Variants in PKNOX2 observed in about 807,000 individuals in gnomAD.
PKNOX2 encodes the protein PBX/knotted 1 homeobox 2.
Under a neutral mutation model 53.1 loss-of-function variants are expected in PKNOX2, and 14 were observed. The observed-to-expected ratio is 0.26, with a 90% CI of 0.17 to 0.41. PKNOX2 has a LOEUF of 0.41. PKNOX2 is among the 10% of genes least tolerant of loss of function. PKNOX2 has a pLI of 1.00. For synonymous variants in PKNOX2, 257 were observed against 242.8 expected (o/e 1.06, Z -0.54); for missense variants, 496 against 602.8 (o/e 0.82, Z 1.85).
chr11:125,248,993 A>G (rs947700141), intron 2 of PKNOX2, among the ~76,000 whole-genome samples: 1 of 142,878 alleles, frequency 7.0e-6, no homozygotes, highest in Admixed American at 7.1e-5. Context: ...ATGTATATAT[A>G]ACATACATAA....
Position 125,347,232 on chromosome 11 carries a change from A to G in PKNOX2, c.-22-4052A>G, listed in dbSNP as rs148392218. The stretch of plus-strand genomic sequence containing the variant: ...GGCCCTACTTTCCCTATCCCCCATC[A>G]ATTTGTCTCAGCTAGGGTCAGGGGC... On this transcript the variant is annotated intron_variant, in intron 3 of 12. Transcript: ENST00000298282. 3.2e-3 allele frequency among the ~76,000 whole-genome samples: 493 copies of G among 152,060 alleles called. 6 individuals carry two copies. The highest frequency in any genetic ancestry group is 0.011 in the African/African-American group (473 of 41,466).
At chr11:125,277,577 C>T (rs1946259565) in intron 2 of PKNOX2, 1 of 152,060 alleles carries the variant, frequency 6.6e-6, no homozygotes, top group African/African-American at 2.4e-5. Context: ...GCAAACAGAC[C>T]AAAACGGGTG....
At chr11:125,222,737 G>A (rs12797817) in intron 1 of PKNOX2, among the ~76,000 whole-genome samples, 1 of 149,620 alleles carries the variant, frequency 6.7e-6, no homozygotes, top group Admixed American at 6.7e-5. Context: ...ATGTGTGTGT[G>A]TCTGTGTCTG....
At chr11:125,411,971 C>T (rs1021275700) in intron 10 of PKNOX2, 106 bp downstream of exon 10, 67 of 1,538,604 alleles carry the variant, frequency 4.4e-5, no homozygotes, top group South Asian at 1.5e-4. Flanking sequence ...AGACAGAGGG[C>T]GCGGCCTCGG....
intron 2 of PKNOX2, among the ~76,000 whole-genome samples, chr11:125,288,664 G>A (rs546311855): frequency 6.6e-5 from 10 of 152,194 alleles, no homozygotes; most frequent in African/African-American, 1.4e-4. Flanking sequence ...CACGTCTCCC[G>A]TAGGAAGCAC....
intron 1 of PKNOX2, among the ~76,000 whole-genome samples, chr11:125,193,459 G>A (rs889940136): frequency 2.6e-5 from 4 of 152,160 alleles, no homozygotes; most frequent in Non-Finnish European, 5.9e-5. Context: ...CATTTAAAGC[G>A]AGCCTTCTGT....
chr11:125,194,537 C>T (rs1055924496), intron 1 of PKNOX2, among the ~76,000 whole-genome samples: 6 of 152,052 alleles, frequency 3.9e-5, no homozygotes, highest in African/African-American at 1.4e-4. Context: ...GGAACTTGGC[C>T]CTCCTGCCCC....
At chr11:125,359,884 T>G (rs1362430847) in intron 4 of PKNOX2, among the ~76,000 whole-genome samples, 1 of 152,218 alleles carries the variant, frequency 6.6e-6, no homozygotes, top group Non-Finnish European at 1.5e-5. Flanking sequence ...TAGGAGTGTC[T>G]GTGCTTTTTT....
chr11:125,181,147 C>T (rs1263213411), intron 1 of PKNOX2, among the ~76,000 whole-genome samples: 1 of 152,198 alleles, frequency 6.6e-6, no homozygotes, highest in African/African-American at 2.4e-5. Flanking sequence ...GGGGATGTTG[C>T]CATACCTCTT....
At chr11:125,182,770 A>C (rs995363869) in intron 1 of PKNOX2, among the ~76,000 whole-genome samples, 1 of 152,160 alleles carries the variant, frequency 6.6e-6, no homozygotes. Context: ...CTGGCCTGCC[A>C]GCAGCTACAG....
At chr11:125,185,611 G>T (rs1222091740) in intron 1 of PKNOX2, among the ~76,000 whole-genome samples, 1 of 151,924 alleles carries the variant, frequency 6.6e-6, no homozygotes, top group East Asian at 1.9e-4. Flanking sequence ...TAATTTATTT[G>T]TCCTTTTGTG....
chr11:125,400,411 A>G (rs563978258), intron 7 of PKNOX2, among the ~76,000 whole-genome samples: 1 of 152,120 alleles, frequency 6.6e-6, no homozygotes, highest in East Asian at 1.9e-4. Context: ...CTGCTGCTGG[A>G]TTCATCTTTC....
At chr11:125,177,312 G>T (rs889351258) in intron 1 of PKNOX2, among the ~76,000 whole-genome samples, 1 of 152,038 alleles carries the variant, frequency 6.6e-6, no homozygotes, top group Non-Finnish European at 1.5e-5. Context: ...CAGCGGGGGA[G>T]GTTAGAGAGA....
At chr11:125,284,715 A>G (rs1343771988) in intron 2 of PKNOX2, among the ~76,000 whole-genome samples, 7 of 152,110 alleles carry the variant, frequency 4.6e-5, no homozygotes, top group Non-Finnish European at 7.4e-5. Context: ...GAAGGGAATG[A>G]TGAATTCCAG....
chr11:125,292,225 G>T (rs916867859), intron 2 of PKNOX2, among the ~76,000 whole-genome samples: 8 of 152,142 alleles, frequency 5.3e-5, no homozygotes, highest in Non-Finnish European at 1.2e-4. Flanking sequence ...CTGCCAGACT[G>T]GTGTGTTTCA....
At chr11:125,253,205 C>T (rs930743247) in intron 2 of PKNOX2, among the ~76,000 whole-genome samples, 1 of 152,198 alleles carries the variant, frequency 6.6e-6, no homozygotes, top group Non-Finnish European at 1.5e-5. Flanking sequence ...AACTTTTTCA[C>T]ATTTATCAGG....
intron 2 of PKNOX2, among the ~76,000 whole-genome samples, chr11:125,285,598 C>G (rs1013961586): frequency 5.3e-5 from 8 of 152,158 alleles, no homozygotes; most frequent in Non-Finnish European, 1.2e-4. Flanking sequence ...TCCTATCATT[C>G]CTATTACTGT....
At chr11:125,387,071 A>G (rs1019667556) in intron 6 of PKNOX2, among the ~76,000 whole-genome samples, 10 of 152,296 alleles carry the variant, frequency 6.6e-5, no homozygotes, top group Non-Finnish European at 1.3e-4. Flanking sequence ...CCCAGGAGGC[A>G]GGCCATTGTC....
chr11:125,429,421 G>A (rs942814299), intron 11 of PKNOX2, among the ~76,000 whole-genome samples: 9 of 152,196 alleles, frequency 5.9e-5, no homozygotes, highest in African/African-American at 1.9e-4. Context: ...GCTGTGCACC[G>A]GAGGCCAGTG....
Sources: allele counts gnomAD v4.1 joint callset (sites outside exome capture counted in the v4.1 genomes callset), GRCh38; gene constraint gnomAD v4.1.1; transcripts MANE v1.5; gene names NCBI Gene and HGNC (gene_info 2026-07-23, HGNC 2026-07-21).